The following RPS6KC1 variants were observed in gnomAD, a reference collection of about 807,000 sequenced individuals.
The protein encoded by RPS6KC1 is inactive ribosomal protein S6 kinase delta-1.
RPS6KC1 carries 54 observed loss-of-function variants against 103.8 expected under a neutral mutation model. The observed-to-expected ratio is 0.52, with a 90% CI of 0.42 to 0.65. RPS6KC1 has a LOEUF of 0.65. Ranked by LOEUF, RPS6KC1 falls within the 30% of genes least tolerant of loss-of-function variation. The probability of loss-of-function intolerance (pLI) is 0.00; values close to 1 mark genes in which losing one functional copy is unlikely to be tolerated. For missense variants in RPS6KC1, 1,151 were observed against 1,253.8 expected (o/e 0.92, Z 1.24); for synonymous variants, 439 against 438.7 (o/e 1.00, Z -0.01).
intron 8 of RPS6KC1, among the ~76,000 whole-genome samples, chr1:213,178,832 A>G (rs2148332016): frequency 6.6e-6 from 1 of 152,058 alleles, no homozygotes; most frequent in South Asian, 2.1e-4. Context: ...CTTCTGTCTC[A>G]GCCTCCTGAG....
At chr1:213,534,131 A>G in the RPS6KC1 span, among the ~76,000 whole-genome samples, 1 of 152,242 alleles carries the variant, frequency 6.6e-6, no homozygotes, top group Non-Finnish European at 1.5e-5. Context: ...GTCTTGGAAA[A>G]GAATTTTAAG....
the RPS6KC1 span, among the ~76,000 whole-genome samples, chr1:213,486,542 T>C: frequency 6.6e-6 from 1 of 152,060 alleles, no homozygotes; most frequent in Non-Finnish European, 1.5e-5. Context: ...AGAAAGGTGA[T>C]GTTTGAGTAC....
chr1:213,140,502 G>A (rs1197859298), intron 6 of RPS6KC1, among the ~76,000 whole-genome samples: 2 of 152,032 alleles, frequency 1.3e-5, no homozygotes, highest in Non-Finnish European at 2.9e-5. Context: ...TTATTTTGAG[G>A]TATGCACCTT....
chr1:213,659,119 G>A, the RPS6KC1 span, among the ~76,000 whole-genome samples: 1 of 151,894 alleles, frequency 6.6e-6, no homozygotes, highest in Admixed American at 6.6e-5. Flanking sequence ...TGCCTGCCAT[G>A]ACACCTGGCT....
the RPS6KC1 span, among the ~76,000 whole-genome samples, chr1:213,741,800 G>A: frequency 2.0e-4 from 30 of 152,254 alleles, no homozygotes; most frequent in Middle Eastern, 6.8e-3. Flanking sequence ...GTCGGGGTGG[G>A]AAGTGGAGGT....
At chr1:213,545,752 G>T in the RPS6KC1 span, among the ~76,000 whole-genome samples, 1 of 152,186 alleles carries the variant, frequency 6.6e-6, no homozygotes, top group Admixed American at 6.5e-5. Flanking sequence ...CTGTGAAGAA[G>T]AGATCTGCTT....
intron 8 of RPS6KC1, among the ~76,000 whole-genome samples, chr1:213,205,928 A>G (rs550689655): frequency 5.1e-4 from 77 of 152,284 alleles, no homozygotes; most frequent in African/African-American, 1.8e-3. Context: ...AAAATCCCAA[A>G]TCTGAAATGC....
chr1:213,427,807 G>A, the RPS6KC1 span, among the ~76,000 whole-genome samples: 11 of 152,096 alleles, frequency 7.2e-5, no homozygotes, highest in African/African-American at 2.4e-4. Context: ...CCTTGTGATC[G>A]GCTCTGGCTT....
intron 12 of RPS6KC1, among the ~76,000 whole-genome samples, chr1:213,248,224 G>A (rs538792278): frequency 6.6e-6 from 1 of 152,010 alleles, no homozygotes; most frequent in Non-Finnish European, 1.5e-5. Flanking sequence ...CAGAAAGAAG[G>A]TGGCAGCAAG....
the RPS6KC1 span, among the ~76,000 whole-genome samples, chr1:213,576,713 G>A: frequency 9.1e-4 from 139 of 152,262 alleles, 2 homozygotes; most frequent in African/African-American, 3.1e-3. Context: ...CCCCACAGTG[G>A]CATCTTTGTG....
chr1:213,605,848 G>T, the RPS6KC1 span, among the ~76,000 whole-genome samples: 6 of 152,308 alleles, frequency 3.9e-5, no homozygotes, highest in East Asian at 5.8e-4. Context: ...AACGACCAAG[G>T]TTACGCCAGA....
At chr1:213,150,295 GTTATTTATTTATTTAT>G (rs138250765) in intron 6 of RPS6KC1, among the ~76,000 whole-genome samples, 58 of 148,080 alleles carry the variant, frequency 3.9e-4, no homozygotes, top group Non-Finnish European at 6.9e-4. Flanking sequence ...TACATTATAT[GTTATTTATTTATTTAT>G]TTATTTATTT....
intron 1 of RPS6KC1, among the ~76,000 whole-genome samples, chr1:213,053,898 G>A (rs1283653017): frequency 2.0e-5 from 3 of 151,332 alleles, no homozygotes; most frequent in African/African-American, 7.3e-5. Flanking sequence ...GTGCAGTGGC[G>A]CTATCTCAGC....
the RPS6KC1 span, among the ~76,000 whole-genome samples, chr1:213,661,608 A>T: frequency 6.6e-6 from 1 of 152,244 alleles, no homozygotes; most frequent in Non-Finnish European, 1.5e-5. Flanking sequence ...TTTGGAGAGC[A>T]CACGATAACT....
At chr1:213,079,709 C>T (rs574196934) in intron 3 of RPS6KC1, among the ~76,000 whole-genome samples, 19 of 152,068 alleles carry the variant, frequency 1.2e-4, no homozygotes, top group African/African-American at 3.6e-4. Context: ...TGATCCACCG[C>T]GCCTGGCAGA....
chr1:213,855,844 G>T, the RPS6KC1 span, among the ~76,000 whole-genome samples: 3 of 152,224 alleles, frequency 2.0e-5, no homozygotes, highest in Non-Finnish European at 4.4e-5. Flanking sequence ...TGGTTTAAGA[G>T]GGTTTCTCCA....
At chr1:213,596,960 C>T in the RPS6KC1 span, among the ~76,000 whole-genome samples, 6 of 152,178 alleles carry the variant, frequency 3.9e-5, no homozygotes, top group Admixed American at 6.5e-5. Flanking sequence ...GTGACTGTGG[C>T]TGGACAGAGA....
intron 6 of RPS6KC1, among the ~76,000 whole-genome samples, chr1:213,134,621 G>A (rs1296393058): frequency 2.0e-5 from 3 of 152,112 alleles, no homozygotes; most frequent in Non-Finnish European, 4.4e-5. Context: ...ATGTCCAGAC[G>A]TATTTCAGAC....
the RPS6KC1 span, among the ~76,000 whole-genome samples, chr1:213,796,527 A>T: frequency 6.6e-6 from 1 of 152,268 alleles, no homozygotes; most frequent in South Asian, 2.1e-4. Flanking sequence ...AGAAAAAGGG[A>T]TACTTGGTTT....
Sources: gnomAD v4.1 joint callset for allele counts (sites outside exome capture counted in the v4.1 genomes callset) on GRCh38, gnomAD v4.1.1 for gene constraint, MANE v1.5 for transcripts, NCBI Gene and HGNC (gene_info 2026-07-23, HGNC 2026-07-21) for gene names.